RASL10A: variants seen among roughly 807,000 people sequenced by gnomAD.
RASL10A encodes RAS like family 10 member A.
A neutral mutation model predicts 17.3 loss-of-function variants in RASL10A; 13 were observed. The observed-to-expected ratio is 0.75, with a 90% confidence interval of 0.49 to 1.20. The LOEUF is 1.20. Among genes scored for constraint, RASL10A ranks in the 50% most tolerant of loss-of-function variants. The probability of loss-of-function intolerance (pLI) is 0.00; values close to 1 mark genes in which losing one functional copy is unlikely to be tolerated. For synonymous variants in RASL10A, 159 were observed against 142.2 expected (o/e 1.12, Z -0.84); for missense variants, 307 against 310.3 (o/e 0.99, Z 0.08).
intron 2 of RASL10A, 74 bp from the exon 3 acceptor site, chr22:29,313,642 A>C: frequency 1.4e-6 from 2 of 1,446,870 alleles, no homozygotes; most frequent in Non-Finnish European, 1.8e-6. Context: ...ATACACACGC[A>C]GGCGCATTCC....
chr22:29,319,256 A>G (rs1264591385), upstream of RASL10A: 1 of 152,286 alleles, frequency 6.6e-6, no homozygotes, highest in Non-Finnish European at 1.5e-5. Flanking sequence ...AGTCACCACT[A>G]ATTATGGTCT....
At position 29,313,062 on chromosome 22, in the gene RASL10A, TGACCCATTGAGGTCCCAGAAAG is replaced by T; in HGVS notation, c.*217_*238del. ...AAGTCCTTTCCATCCAATGGGATTG[TGACCCATTGAGGTCCCAGAAAG>T]GACTGGTCATCTCCAATGGAGCTTG... On this transcript the variant is annotated 3_prime_UTR_variant, in exon 3 of 3. Coordinates refer to ENST00000216101, the MANE Select transcript of RASL10A (RefSeq NM_006477.5). 1 of 463,294 alleles carries T rather than the reference TGACCCATTGAGGTCCCAGAAAG, an allele frequency of 2.2e-6. No individual in the cohort carries two copies. Among genetic ancestry groups the T allele is most frequent in the Admixed American group, 4.0e-5 (1 of 25,042 alleles). The allele number at this position is 463,294 out of a possible 1,614,324, so 28.7% of individuals were successfully genotyped here.
chr22:29,319,605 C>T (rs1434058707), upstream of RASL10A: 1 of 152,214 alleles, frequency 6.6e-6, no homozygotes, highest in Non-Finnish European at 1.5e-5. Flanking sequence ...ATTCCAGCAC[C>T]TTGGGGAGGC....
chr22:29,318,998 G>A (rs1241883112), upstream of RASL10A, among the ~76,000 whole-genome samples: 2 of 152,182 alleles, frequency 1.3e-5, no homozygotes, highest in Admixed American at 6.5e-5. Flanking sequence ...GAGTTGAGGG[G>A]CTTATACTGA....
chr22:29,315,314 A>G lies in RASL10A; in HGVS notation c.-68T>C. On this transcript the variant is annotated 5_prime_UTR_variant, in exon 1 of 3. Transcript: ENST00000216101. This position sits in a 1 kb window ranked among gnomAD's most constrained non-coding sequence, Gnocchi z 5.5. ...GGCCGGCGCCGCACCGTGCGCCCCCAGGCCGTGCGCCCCGCGCGCCCTGCC... is the reference window on the plus strand; with the variant it reads ...GGCCGGCGCCGCACCGTGCGCCCCCGGGCCGTGCGCCCCGCGCGCCCTGCC... The G allele has an allele frequency of 8.9e-7, 1 of 1,118,744 alleles. No homozygotes were observed. 69.3% of individuals were successfully genotyped at this position (1,118,744 alleles called of 1,614,324 possible).
upstream of RASL10A, among the ~76,000 whole-genome samples, chr22:29,318,511 C>T (rs916065088): frequency 6.6e-6 from 1 of 152,220 alleles, no homozygotes; most frequent in African/African-American, 2.4e-5. Context: ...TTGGGGAGGC[C>T]TCTAGGTCCC....
intron 2 of RASL10A, 116 bp downstream of exon 2, chr22:29,313,747 C>A (rs1012178355): frequency 8.9e-5 from 134 of 1,498,536 alleles, no homozygotes; most frequent in Non-Finnish European, 1.1e-4. Flanking sequence ...GACCTTCCCA[C>A]GGGCGAAGGC....
rs1481060893 is a variant in RASL10A, at chr22:29,314,072, C to T, written c.220-85G>A. The T allele has an allele frequency of 2.6e-6, 4 of 1,552,882 alleles. No homozygotes were observed. In the Admixed American group the frequency reaches 5.3e-5, roughly 20 times the overall value. On this transcript the variant is annotated intron_variant, in intron 1 of 2. Transcript: ENST00000216101. ...CTCTGCAGGGGCCTGGACGCTAATCCTCAGGCCAACATCACCCCCATACAG... is the reference window on the plus strand; with the variant it reads ...CTCTGCAGGGGCCTGGACGCTAATCTTCAGGCCAACATCACCCCCATACAG...
chr22:29,319,221 C>G (rs2061465768), upstream of RASL10A: 1 of 152,378 alleles, frequency 6.6e-6, no homozygotes, highest in Non-Finnish European at 1.5e-5. Flanking sequence ...GGTGTTAGTT[C>G]TGGACTCCTT....
In RASL10A at chr22:29,313,013, G is replaced by A. The variant is rs1261066770; in HGVS notation, c.*288C>T. 4 of 403,350 alleles carry A rather than the reference G, an allele frequency of 9.9e-6. No individual in the cohort carries two copies. Among genetic ancestry groups the A allele is most frequent in the East Asian group, 3.7e-5 (1 of 27,222 alleles). The allele number at this position is 403,350 out of a possible 1,614,324, so 25.0% of individuals were successfully genotyped here. A position where few individuals can be genotyped will look rare whatever the true frequency, so the allele number is the denominator to read the frequency against. ...CAGTGAAGCTCCAGGAGCAGGCTGCGTGTTTCCAGTCAAGTTCATAGCCAA... is the reference window on the plus strand; with the variant it reads ...CAGTGAAGCTCCAGGAGCAGGCTGCATGTTTCCAGTCAAGTTCATAGCCAA... On this transcript the variant is annotated 3_prime_UTR_variant, in exon 3 of 3. Coordinates refer to ENST00000216101, the MANE Select transcript of RASL10A (RefSeq NM_006477.5).
Position 29,313,435 on chromosome 22 carries a change from A to G in RASL10A, c.478T>C (p.Ser160Pro). The change falls in exon 3 of 3, where the codon TCC (serine) becomes CCC (proline). Residue 160 changes from serine (S) to proline (P), a missense_variant. Transcript: ENST00000216101. ...RGWRCGYLEC[S>P]AKYNWHVLRL... Reference sequence around the variant, plus strand: ...AGCACGTGCCAGTTGTACTTGGCGGAGCACTCGAGGTAGCCGCAGCGCCAG... The same window carrying G: ...AGCACGTGCCAGTTGTACTTGGCGGGGCACTCGAGGTAGCCGCAGCGCCAG... The G allele has an allele frequency of 6.5e-7, 1 of 1,541,184 alleles. No homozygotes were observed. Among genetic ancestry groups the G allele is most frequent in the Non-Finnish European group, 8.7e-7 (1 of 1,147,178 alleles).
chr22:29,315,207 C>T lies in RASL10A; in HGVS notation c.40G>A (p.Gly14Ser). Residue 14 changes from glycine to serine, a missense_variant, in exon 1 of 3, where the codon GGC (glycine) becomes AGC (serine). Gly to Ser is a moderately conservative substitution (Grantham distance 56). Coordinates refer to ENST00000216101, the MANE Select transcript of RASL10A (RefSeq NM_006477.5). The surrounding 1 kb of genome is among the most constrained non-coding windows in gnomAD (Gnocchi z 5.5). Reference sequence around the variant, plus strand: ...CGGATGATGGCCGTCTTGCCCACGCCCGGGGCGCCTAGAACGGCCACCCGC... The same window carrying T: ...CGGATGATGGCCGTCTTGCCCACGCTCGGGGCGCCTAGAACGGCCACCCGC... ...SLRVAVLGAP[G>S]VGKTAIIRQF... 1 of 1,528,732 alleles carries T rather than the reference C, an allele frequency of 6.5e-7. No individual in the cohort carries two copies. Among genetic ancestry groups the T allele is most frequent in the Non-Finnish European group, 8.7e-7 (1 of 1,145,672 alleles). 94.7% of individuals were successfully genotyped at this position (1,528,732 alleles called of 1,614,324 possible). A position where few individuals can be genotyped will look rare whatever the true frequency, so the allele number is the denominator to read the frequency against.
rs2061439348 is a variant in RASL10A at position 29,314,242 on chromosome 22, G to A, written c.220-255C>T. The A allele has an allele frequency of 1.1e-5, 5 of 448,340 alleles. No homozygotes were observed. The South Asian group carries it at 1.5e-4, about 13-fold the overall frequency. The allele number at this position is 448,340 out of a possible 1,614,324, so 27.8% of individuals were successfully genotyped here. A position where few individuals can be genotyped will look rare whatever the true frequency, so the allele number is the denominator to read the frequency against. On this transcript the variant is annotated intron_variant, in intron 1 of 2. Coordinates refer to ENST00000216101, the MANE Select transcript of RASL10A (RefSeq NM_006477.5). The stretch of plus-strand genomic sequence containing the variant: ...TTTACCCCGAATCTTCCTCTTTTCA[G>A]CTTTCCCCAACTCGGCTCAGGCCGC...
chr22:29,316,142 A>G (rs2061453050), upstream of RASL10A, among the ~76,000 whole-genome samples: 3 of 152,338 alleles, frequency 2.0e-5, no homozygotes, highest in African/African-American at 2.4e-5. Context: ...TGCCAGGCCC[A>G]TTACCTACGT....
intron 2 of RASL10A, 115 bp from the exon 3 acceptor site, chr22:29,313,683 G>A: frequency 7.4e-7 from 1 of 1,347,570 alleles, no homozygotes. Context: ...CGCCCCCCCC[G>A]CCGCCCCAAC....
rs995390490 is a variant in RASL10A, at chr22:29,313,005, C to G, written c.*296G>C. ...AATATGTCCAGTGAAGCTCCAGGAG[C>G]AGGCTGCGTGTTTCCAGTCAAGTTC... On this transcript the variant is annotated 3_prime_UTR_variant, in exon 3 of 3. Transcript: ENST00000216101. 5.0e-6 allele frequency: 2 copies of G among 396,342 alleles called. No individual in the cohort carries two copies. The highest frequency in any genetic ancestry group is 2.1e-5 in the African/African-American group (1 of 48,416). The allele number at this position is 396,342 out of a possible 1,614,324, so 24.6% of individuals were successfully genotyped here. A position where few individuals can be genotyped will look rare whatever the true frequency, so the allele number is the denominator to read the frequency against.
At position 29,312,947 on chromosome 22, in the gene RASL10A, C is replaced by T. The variant is rs1177556348; in HGVS notation, c.*354G>A. 1 of 315,900 alleles carries T rather than the reference C, an allele frequency of 3.2e-6. No individual in the cohort carries two copies. Among genetic ancestry groups the T allele is most frequent in the African/African-American group, 2.1e-5 (1 of 46,788 alleles). The allele number at this position is 315,900 out of a possible 1,614,324, so 19.6% of individuals were successfully genotyped here. On this transcript the variant is annotated 3_prime_UTR_variant, in exon 3 of 3. Coordinates refer to ENST00000216101, the MANE Select transcript of RASL10A (RefSeq NM_006477.5). The stretch of plus-strand genomic sequence containing the variant: ...CCCAGGCGCACTCAAATTATTTTCC[C>T]TTTTATTATCCCGTGGTAGGTGTGG...
chr22:29,318,065 C>A (rs1233539032), upstream of RASL10A, among the ~76,000 whole-genome samples: 1 of 152,320 alleles, frequency 6.6e-6, no homozygotes, highest in East Asian at 1.9e-4. Flanking sequence ...GAAAAACTTT[C>A]CTTGCTTCTC....
At position 29,315,107 on chromosome 22, in the gene RASL10A, A is replaced by G. The variant is rs1279807114; in HGVS notation, c.140T>C (p.Leu47Pro). The change falls in exon 1 of 3, where the codon CTG becomes CCG. Residue 47 changes from leucine to proline, a missense_variant. Leu to Pro is a moderately conservative substitution (Grantham distance 98). Transcript: ENST00000216101. The surrounding 1 kb of genome is among the most constrained non-coding windows in gnomAD (Gnocchi z 5.5). Reference sequence around the variant, plus strand: ...CAAGTCGTAGACGGCGCCGTCGAGCAGCACCGCGGGTCGGTAGAGGCGCGG... The same window carrying G: ...CAAGTCGTAGACGGCGCCGTCGAGCGGCACCGCGGGTCGGTAGAGGCGCGG... ...DGPRLYRPAV[L>P]LDGAVYDLSI... 6.5e-7 allele frequency: 1 copy of G among 1,530,226 alleles called. No homozygotes were observed. Among genetic ancestry groups the G allele is most frequent in the Admixed American group, 2.0e-5 (1 of 50,482 alleles). 94.8% of individuals were successfully genotyped at this position (1,530,226 alleles called of 1,614,324 possible).
Sources: allele counts gnomAD v4.1 joint callset (sites outside exome capture counted in the v4.1 genomes callset), GRCh38; gene constraint gnomAD v4.1.1; non-coding constraint Gnocchi (gnomAD v3.1); transcripts MANE v1.5; gene names NCBI Gene and HGNC (gene_info 2026-07-23, HGNC 2026-07-21).